The following ADAM18 variants were observed in gnomAD, a reference collection of about 807,000 sequenced individuals.
ADAM18 encodes the protein disintegrin and metalloproteinase domain-containing protein 18.
Under a neutral mutation model 94.4 loss-of-function variants are expected in ADAM18, and 117 were observed. The observed-to-expected ratio is 1.24, with a 90% CI of 1.07 to 1.45. ADAM18 has a LOEUF of 1.45. ADAM18 is among the 40% of genes most tolerant of loss of function. ADAM18 has a pLI of 0.00. For missense variants in ADAM18, 936 were observed against 880.0 expected, an observed-to-expected ratio of 1.06 and a Z score of -0.81; for synonymous variants, 327 against 291.6, an observed-to-expected ratio of 1.12 and a Z score of -1.24.
intron 16 of ADAM18, among the ~76,000 whole-genome samples, chr8:39,691,788 T>G (rs924220485): frequency 6.6e-6 from 1 of 152,040 alleles, no homozygotes; most frequent in Non-Finnish European, 1.5e-5. Context: ...GTCTTGGATA[T>G]CTTTTTATTT....
chr8:39,624,494 C>A (rs1376135064), intron 6 of ADAM18, among the ~76,000 whole-genome samples: 1 of 152,080 alleles, frequency 6.6e-6, no homozygotes, highest in Non-Finnish European at 1.5e-5. Context: ...CTAGTATATT[C>A]CATTGGTCTA....
In ADAM18 at chr8:39,609,107, C is replaced by T. The variant is rs1453877831; in HGVS notation, c.254C>T (p.Ser85Phe). 1.1e-5 allele frequency: 18 copies of T among 1,585,020 alleles called. No homozygotes were observed. Among genetic ancestry groups the T allele is most frequent in the Non-Finnish European group, 1.5e-5 (18 of 1,162,882 alleles). Reference sequence around the variant, plus strand: ...GAAACTGGATCTTTGCATTCTGTGTCTCCATATTTTATGGTAAAGTAAGAT... The same window carrying T: ...GAAACTGGATCTTTGCATTCTGTGTTTCCATATTTTATGGTAAAGTAAGAT... ...YNETGSLHSV[S>F]PYFMMHCHYQ... Residue 85 changes from serine (S) to phenylalanine (F), a missense_variant, in exon 4 of 20, where the codon TCT becomes TTT. By Grantham distance (155) the Ser-to-Phe change is radical. Transcript: ENST00000265707.
intron 16 of ADAM18, among the ~76,000 whole-genome samples, chr8:39,686,423 C>T (rs1821606658): frequency 1.3e-5 from 2 of 152,170 alleles, no homozygotes; most frequent in Admixed American, 1.3e-4. Context: ...ACCGTGTCCT[C>T]GCATGACAGA....
chr8:39,637,184 T>C (rs1408000474), intron 7 of ADAM18, 80 bp from the exon 8 acceptor site: 20 of 1,115,292 alleles, frequency 1.8e-5, no homozygotes, highest in Non-Finnish European at 2.6e-5. Flanking sequence ...ACTTATAATA[T>C]CTAATACAAT....
At chr8:39,668,711 T>A (rs951918658) in intron 14 of ADAM18, among the ~76,000 whole-genome samples, 7 of 152,154 alleles carry the variant, frequency 4.6e-5, no homozygotes, top group African/African-American at 1.7e-4. Flanking sequence ...GCATATATTC[T>A]TGCTTTTCTG....
intron 2 of ADAM18, among the ~76,000 whole-genome samples, chr8:39,602,482 T>C (rs1312323205): frequency 1.3e-5 from 2 of 152,166 alleles, no homozygotes; most frequent in Non-Finnish European, 2.9e-5. Context: ...GGAACTGCCT[T>C]GAATCCAGAT....
Position 39,663,833 on chromosome 8 carries a change from T to G in ADAM18, c.1269T>G (p.Cys423Trp). 1 of 1,612,720 alleles carries G rather than the reference T, an allele frequency of 6.2e-7. No homozygotes were observed. The highest frequency in any genetic ancestry group is 1.1e-5 in the South Asian group (1 of 90,632). Residue 423 changes from cysteine (C) to tryptophan (W), a missense_variant, in exon 13 of 20, where the codon TGT becomes TGG. Coordinates refer to ENST00000265707, the MANE Select transcript of ADAM18 (RefSeq NM_014237.3). The part of the protein sequence containing the change: ...QFKKCCDYNT[C>W]KLKGSVKCGS... ...AGAAGTGCTGTGATTATAACACATG[T>G]AAACTGAAGGGCTCAGTAAAATGTG... is the stretch of plus-strand genomic sequence containing the variant.
intron 13 of ADAM18, among the ~76,000 whole-genome samples, chr8:39,666,964 A>C (rs1411043615): frequency 6.6e-6 from 1 of 152,122 alleles, no homozygotes; most frequent in African/African-American, 2.4e-5. Flanking sequence ...ACAGCATTTC[A>C]ACATGGTGAA....
chr8:39,678,956 T>A (rs1821364841), intron 15 of ADAM18, among the ~76,000 whole-genome samples: 1 of 152,178 alleles, frequency 6.6e-6, no homozygotes, highest in Admixed American at 6.5e-5. Context: ...GAATTTGTAC[T>A]CAGTAGCCAG....
At chr8:39,637,165 C>A in intron 7 of ADAM18, 99 bp from the exon 8 acceptor site, 2 of 891,508 alleles carry the variant, frequency 2.2e-6, no homozygotes, top group Non-Finnish European at 3.3e-6. Flanking sequence ...TTTAAAACAG[C>A]TCTAGATTAC....
At chr8:39,725,041 C>G (rs2129581934) in intron 19 of ADAM18, among the ~76,000 whole-genome samples, 2 of 151,966 alleles carry the variant, frequency 1.3e-5, no homozygotes, top group South Asian at 4.1e-4. Flanking sequence ...GGTGTATTTA[C>G]TATTGTGAAT....
chr8:39,711,455 C>T (rs541815969), intron 18 of ADAM18, among the ~76,000 whole-genome samples: 44 of 152,032 alleles, frequency 2.9e-4, no homozygotes, highest in Admixed American at 2.2e-3. Context: ...AGACTTACAA[C>T]GGCTTTAAAA....
chr8:39,628,620 A>G (rs531649789), intron 6 of ADAM18, among the ~76,000 whole-genome samples: 1 of 152,060 alleles, frequency 6.6e-6, no homozygotes, highest in South Asian at 2.1e-4. Flanking sequence ...CACCCTCTTT[A>G]CTCTTGTATT....
At chr8:39,589,015 A>T (rs1454391886) in intron 2 of ADAM18, among the ~76,000 whole-genome samples, 1 of 152,206 alleles carries the variant, frequency 6.6e-6, no homozygotes, top group Non-Finnish European at 1.5e-5. Context: ...AGCAGCAGCC[A>T]TTCATGCTAG....
rs560342416 is a variant in ADAM18, at chr8:39,636,022, TGAGA to T, written c.589-1226_589-1223del. Among the ~76,000 whole-genome samples, 310 of 144,758 alleles carry T rather than the reference TGAGA, an allele frequency of 2.1e-3. 1 individual carries two copies. Among genetic ancestry groups the T allele is most frequent in the Middle Eastern group, 3.6e-3 (1 of 276 alleles). The allele number at this position is 144,758 out of a possible 152,430, so 95.0% of individuals were successfully genotyped here. A position where few individuals can be genotyped will look rare whatever the true frequency, so the allele number is the denominator to read the frequency against. On this transcript the variant is annotated intron_variant, in intron 7 of 19. Transcript: ENST00000265707. ...TTAAGTTTTTTTGTTTTTTTTTTTTTGAGAGAGAGAGAGAGAGAGGGGGCCTCAC... is the reference window on the plus strand; with the variant it reads ...TTAAGTTTTTTTGTTTTTTTTTTTTTGAGAGAGAGAGAGAGGGGGCCTCAC...
intron 2 of ADAM18, among the ~76,000 whole-genome samples, chr8:39,586,312 A>G (rs1452110955): frequency 6.6e-6 from 1 of 152,248 alleles, no homozygotes; most frequent in African/African-American, 2.4e-5. Flanking sequence ...ATTATTTATT[A>G]CATATATTCT....
chr8:39,645,568 T>A, intron 11 of ADAM18, 94 bp downstream of exon 11: 1 of 1,175,392 alleles, frequency 8.5e-7, no homozygotes. Flanking sequence ...CGGCACCACA[T>A]CAATGGCTAG....
chr8:39,652,893 C>G (rs147871363), intron 12 of ADAM18, among the ~76,000 whole-genome samples: 1 of 151,996 alleles, frequency 6.6e-6, no homozygotes, highest in South Asian at 2.1e-4. Context: ...CATGGATGAA[C>G]CTGGAGGACA....
Position 39,684,377 on chromosome 8 carries a change from T to C in ADAM18, c.1821+4151T>C, listed in dbSNP as rs111831700. The stretch of plus-strand genomic sequence containing the variant: ...AATTGTTTAAGTATATAATACATTA[T>C]TGTTAACTATATAAACTGTGACATA... On this transcript the variant is annotated intron_variant, in intron 16 of 19. Coordinates refer to ENST00000265707, the MANE Select transcript of ADAM18 (RefSeq NM_014237.3). Among the ~76,000 whole-genome samples the C allele has an allele frequency of 3.3e-5, 5 of 152,334 alleles. 1 individual carries two copies. Among genetic ancestry groups the C allele is most frequent in the African/African-American group, 1.2e-4 (5 of 41,574 alleles).
Sources: allele counts gnomAD v4.1 joint callset (sites outside exome capture counted in the v4.1 genomes callset), GRCh38; gene constraint gnomAD v4.1.1; transcripts MANE v1.5; gene names NCBI Gene and HGNC (gene_info 2026-07-23, HGNC 2026-07-21).